The following CHRNA4 variants were observed in gnomAD, a reference collection of about 807,000 sequenced individuals.
CHRNA4 encodes the protein cholinergic receptor nicotinic alpha 4 subunit.
A neutral mutation model predicts 48.9 loss-of-function variants in CHRNA4; 28 were observed. The observed-to-expected ratio is 0.57, with a 90% CI of 0.42 to 0.79. The LOEUF (loss-of-function observed/expected upper bound fraction) is 0.79, where lower values mean the gene tolerates loss of function less well. CHRNA4 is among the 30% of genes least tolerant of loss of function. The pLI is 0.00. For synonymous variants in CHRNA4, 425 were observed against 402.3 expected, an observed-to-expected ratio of 1.06 and a Z score of -0.68; for missense variants, 859 against 898.4, an observed-to-expected ratio of 0.96 and a Z score of 0.56.
At position 63,350,700 on chromosome 20, in the gene CHRNA4, G is replaced by C; in HGVS notation, c.711C>G (p.Phe237Leu). Residue 237 changes from phenylalanine (F) to leucine (L), a missense_variant, in exon 5 of 6, where the codon TTC becomes TTG. By Grantham distance (22) the Phe-to-Leu change is conservative. This residue lies in a region of CHRNA4 where 342 missense variants were observed against 365.3 expected (regional missense o/e 0.94). Coordinates refer to ENST00000370263, the MANE Select transcript of CHRNA4 (RefSeq NM_000744.7). The stretch of plus-strand genomic sequence containing the variant: ...AGAAGAGCGGCAGCCGCCGGATGAC[G>C]AAGGCATAGGTGATGTCCGGGTAGA... ...AEIYPDITYA[F>L]VIRRLPLFYT... 1 of 1,613,956 alleles carries C rather than the reference G, an allele frequency of 6.2e-7. No homozygotes were observed. The highest frequency in any genetic ancestry group is 8.5e-7 in the Non-Finnish European group (1 of 1,180,016).
In CHRNA4 at chr20:63,344,672, C is replaced by A. The variant is rs199750755; in HGVS notation, c.*2066G>T. The A allele has an allele frequency of 4.4e-6, 2 of 453,928 alleles. No individual in the cohort carries two copies. The highest frequency in any genetic ancestry group is 8.8e-6 in the Non-Finnish European group (2 of 226,786). The allele number at this position is 453,928 out of a possible 1,614,324, so 28.1% of individuals were successfully genotyped here. On this transcript the variant is annotated 3_prime_UTR_variant, in exon 6 of 6. Coordinates refer to ENST00000370263, the MANE Select transcript of CHRNA4 (RefSeq NM_000744.7). The surrounding 1 kb of genome is among the most constrained non-coding windows in gnomAD (Gnocchi z 4.5). ...CTGCAGCTGCCCACACATCTGGCAG[C>A]TGGGTCCACTTATGCAATGTGGATC...
At chr20:63,347,447 A>G (rs778310367) in intron 5 of CHRNA4, among the ~76,000 whole-genome samples, 1 of 152,164 alleles carries the variant, frequency 6.6e-6, no homozygotes, top group African/African-American at 2.4e-5. Context: ...CTGCGGTTAC[A>G]TATCTGAACG....
At chr20:63,359,964 C>T (rs1053252015) in intron 1 of CHRNA4, 70 of 403,848 alleles carry the variant, frequency 1.7e-4, no homozygotes, top group Non-Finnish European at 2.8e-4. Context: ...TCTTGGCCTC[C>T]GGCTCTCTCC....
chr20:63,344,549 C>G lies in CHRNA4; in HGVS notation c.*2189G>C, dbSNP rs1283839256. 2.2e-6 allele frequency: 1 copy of G among 453,370 alleles called. No individual in the cohort carries two copies. Among genetic ancestry groups the G allele is most frequent in the South Asian group, 1.6e-5 (1 of 64,390 alleles). 28.1% of individuals were successfully genotyped at this position (453,370 alleles called of 1,614,324 possible). A position where few individuals can be genotyped will look rare whatever the true frequency, so the allele number is the denominator to read the frequency against. On this transcript the variant is annotated 3_prime_UTR_variant, in exon 6 of 6. Coordinates refer to ENST00000370263, the MANE Select transcript of CHRNA4 (RefSeq NM_000744.7). The surrounding 1 kb of genome is among the most constrained non-coding windows in gnomAD (Gnocchi z 4.5). ...CCCCCAGGCAAGCGGCCACCCCCGGCAGGAGGGTCCCCCGGCAGGAGCGTC... is the reference window on the plus strand; with the variant it reads ...CCCCCAGGCAAGCGGCCACCCCCGGGAGGAGGGTCCCCCGGCAGGAGCGTC...
intron 4 of CHRNA4, chr20:63,354,606 G>T (rs1393196195): frequency 1.3e-4 from 39 of 295,620 alleles, no homozygotes; most frequent in Non-Finnish European, 1.6e-4. Flanking sequence ...TGCAGTACTC[G>T]GGGGGCTGTG....
Position 63,356,245 on chromosome 20 carries a change from G to A in CHRNA4, c.273+126C>T, listed in dbSNP as rs2068717273. 11 of 873,974 alleles carry A rather than the reference G, an allele frequency of 1.3e-5. No homozygotes were observed. In the East Asian group the frequency reaches 2.8e-4, roughly 22 times the overall value. The allele number at this position is 873,974 out of a possible 1,614,324, so 54.1% of individuals were successfully genotyped here. A position where few individuals can be genotyped will look rare whatever the true frequency, so the allele number is the denominator to read the frequency against. On this transcript the variant is annotated intron_variant, in intron 3 of 5. Transcript: ENST00000370263. ...GGGACAGGGCCAGGGTGGGGCAGCA[G>A]GGTGAGGGGTGTGAGGGAGGGCAGG...
chr20:63,343,747 G>A lies in CHRNA4; in HGVS notation c.*2991C>T, dbSNP rs1052949756. 13 of 452,664 alleles carry A rather than the reference G, an allele frequency of 2.9e-5. No individual in the cohort carries two copies. Among genetic ancestry groups the A allele is most frequent in the South Asian group, 4.7e-5 (3 of 64,394 alleles). The allele number at this position is 452,664 out of a possible 1,614,324, so 28.0% of individuals were successfully genotyped here. A position where few individuals can be genotyped will look rare whatever the true frequency, so the allele number is the denominator to read the frequency against. ...AGGGGGCAGGATGGCGCAAGCAGCCGCAGAGGGGCCGGCGCCCCGGCAGGC... is the reference window on the plus strand; with the variant it reads ...AGGGGGCAGGATGGCGCAAGCAGCCACAGAGGGGCCGGCGCCCCGGCAGGC... On this transcript the variant is annotated 3_prime_UTR_variant, in exon 6 of 6. Transcript: ENST00000370263.
intron 4 of CHRNA4, chr20:63,354,591 G>T: frequency 2.0e-6 from 1 of 512,398 alleles, no homozygotes; most frequent in Non-Finnish European, 2.4e-6. Flanking sequence ...GGAAGTGGGG[G>T]GGGCTGCAGT....
In CHRNA4 at chr20:63,346,289, G is replaced by C. The variant is rs1435200695; in HGVS notation, c.*449C>G. 1 of 453,802 alleles carries C rather than the reference G, an allele frequency of 2.2e-6. No homozygotes were observed. Among genetic ancestry groups the C allele is most frequent in the Non-Finnish European group, 4.4e-6 (1 of 226,628 alleles). 28.1% of individuals were successfully genotyped at this position (453,802 alleles called of 1,614,324 possible). ...CCCACACAGGCGCAGGACACGGTGG[G>C]TGGGAGAGGCGGCCGGGCCTCCAGA... On this transcript the variant is annotated 3_prime_UTR_variant, in exon 6 of 6. Transcript: ENST00000370263.
chr20:63,347,967 C>T (rs1004826211), intron 5 of CHRNA4, among the ~76,000 whole-genome samples: 3 of 152,236 alleles, frequency 2.0e-5, no homozygotes, highest in African/African-American at 7.2e-5. Context: ...AAGTCCTGCC[C>T]AGGCCTCGGC....
chr20:63,350,546 G>A lies in CHRNA4; in HGVS notation c.865C>T (p.Leu289=), dbSNP rs201980705. 1.4e-5 allele frequency: 22 copies of A among 1,613,902 alleles called. No individual in the cohort carries two copies. Among genetic ancestry groups the A allele is most frequent in the Non-Finnish European group, 1.7e-5 (20 of 1,180,028 alleles). Reference sequence around the variant, plus strand: ...GGGATGATCTCGGTGATGAGCAGCAGGAAGACGGTGAGCGACAGCAGCACG... The same window carrying A: ...GGGATGATCTCGGTGATGAGCAGCAAGAAGACGGTGAGCGACAGCAGCACG... ...ISVLLSLTVF[L]LLITEIIPST... The change falls in exon 5 of 6, where the codon CTG becomes TTG. Residue 289 remains leucine, a synonymous_variant. Coordinates refer to ENST00000370263, the MANE Select transcript of CHRNA4 (RefSeq NM_000744.7).
chr20:63,358,529 G>A (rs973539817), intron 2 of CHRNA4, among the ~76,000 whole-genome samples: 6 of 152,230 alleles, frequency 3.9e-5, no homozygotes, highest in African/African-American at 1.4e-4. Context: ...CCCATGTGGG[G>A]GTGCCCTCCC....
At chr20:63,351,879 T>C (rs1285628712) in intron 4 of CHRNA4, among the ~76,000 whole-genome samples, 1 of 152,160 alleles carries the variant, frequency 6.6e-6, no homozygotes, top group Non-Finnish European at 1.5e-5. Flanking sequence ...CCTGGTTCCA[T>C]AGACAGCGGC....
At chr20:63,360,899 C>T in intron 1 of CHRNA4, 191 bp downstream of exon 1, 1 of 448,588 alleles carries the variant, frequency 2.2e-6, no homozygotes, top group East Asian at 3.6e-5. Context: ...GCGGTCAACT[C>T]CCTCCTCGCC....
chr20:63,345,999 G>C lies in CHRNA4; in HGVS notation c.*739C>G, dbSNP rs1055153100. ...CTGGTCTCCAGACTCGCTGGGGCTGGGTGTTCCTGTCCCCCGCGGAGGGCC... is the reference window on the plus strand; with the variant it reads ...CTGGTCTCCAGACTCGCTGGGGCTGCGTGTTCCTGTCCCCCGCGGAGGGCC... On this transcript the variant is annotated 3_prime_UTR_variant, in exon 6 of 6. Coordinates refer to ENST00000370263, the MANE Select transcript of CHRNA4 (RefSeq NM_000744.7). This position sits in a 1 kb window ranked among gnomAD's most constrained non-coding sequence, Gnocchi z 5.4. 8.8e-5 allele frequency: 40 copies of C among 454,066 alleles called. No individual in the cohort carries two copies. Among genetic ancestry groups the C allele is most frequent in the Admixed American group, 8.2e-4 (35 of 42,576 alleles). The allele number at this position is 454,066 out of a possible 1,614,324, so 28.1% of individuals were successfully genotyped here.
chr20:63,354,585 G>T, intron 4 of CHRNA4: 1 of 619,870 alleles, frequency 1.6e-6, no homozygotes, highest in Non-Finnish European at 1.9e-6. Flanking sequence ...GGCTGTGGAA[G>T]TGGGGGGGGC....
In CHRNA4 at chr20:63,345,333, A is replaced by AACCG. The variant is rs1343514821; in HGVS notation, c.*1401_*1404dup. The AACCG allele has an allele frequency of 2.2e-6, 1 of 451,780 alleles. No homozygotes were observed. Among genetic ancestry groups the AACCG allele is most frequent in the Admixed American group, 2.4e-5 (1 of 42,444 alleles). 28.0% of individuals were successfully genotyped at this position (451,780 alleles called of 1,614,324 possible). A position where few individuals can be genotyped will look rare whatever the true frequency, so the allele number is the denominator to read the frequency against. On this transcript the variant is annotated 3_prime_UTR_variant, in exon 6 of 6. Transcript: ENST00000370263. This position sits in a 1 kb window ranked among gnomAD's most constrained non-coding sequence, Gnocchi z 5.4. ...GAGGCTTCCTGACTGTCTCCTCCTG[A>AACCG]ACCGATGTCACTCACAGGCAGGGGA...
In CHRNA4 at chr20:63,356,022, G is replaced by A. The variant is rs1568816611; in HGVS notation, c.336C>T (p.Arg112=). ...GCCGCCAGATGAGCTCGGAGGGGAT[G>A]CGGATGGAGGTGACATTCTCATAGT... ...PADYENVTSI[R]IPSELIWRPD... is the part of the protein sequence containing the mutation. The change falls in exon 4 of 6, where the codon CGC becomes CGT. Residue 112 remains arginine (R), a synonymous_variant. Coordinates refer to ENST00000370263, the MANE Select transcript of CHRNA4 (RefSeq NM_000744.7). 1 of 1,610,852 alleles carries A rather than the reference G, an allele frequency of 6.2e-7. No individual in the cohort carries two copies. The highest frequency in any genetic ancestry group is 8.5e-7 in the Non-Finnish European group (1 of 1,179,524).
rs201784810 is a variant in CHRNA4, at chr20:63,345,160, C to T, written c.*1578G>A. On this transcript the variant is annotated 3_prime_UTR_variant, in exon 6 of 6. Coordinates refer to ENST00000370263, the MANE Select transcript of CHRNA4 (RefSeq NM_000744.7). The surrounding 1 kb of genome is among the most constrained non-coding windows in gnomAD (Gnocchi z 5.4). ...TTCCTAACCTCAATTATTCATTCTG[C>T]TCTCAGGCACCTCCTGACGAGACCC... 9.4e-4 allele frequency: 427 copies of T among 453,188 alleles called. 5 individuals are homozygous for T. Among genetic ancestry groups the T allele is most frequent in the South Asian group, 5.8e-3 (375 of 64,394 alleles). The allele number at this position is 453,188 out of a possible 1,614,324, so 28.1% of individuals were successfully genotyped here. A position where few individuals can be genotyped will look rare whatever the true frequency, so the allele number is the denominator to read the frequency against.
Sources: allele counts gnomAD v4.1 joint callset (sites outside exome capture counted in the v4.1 genomes callset), GRCh38; gene constraint gnomAD v4.1.1; regional missense constraint gnomAD v4.1.1; non-coding constraint Gnocchi (gnomAD v3.1); transcripts MANE v1.5; gene names NCBI Gene and HGNC (gene_info 2026-07-23, HGNC 2026-07-21).